Variants in UBE2K observed in about 807,000 individuals in gnomAD.
UBE2K encodes the protein ubiquitin-conjugating enzyme E2 K.
Under a neutral mutation model 30.0 loss-of-function variants are expected in UBE2K, and 6 were observed. The ratio of observed to expected loss-of-function variants is 0.20; its 90% CI spans 0.11 to 0.39. The LOEUF (loss-of-function observed/expected upper bound fraction) is 0.39. UBE2K is among the 10% of genes least tolerant of loss of function. The pLI, the probability that UBE2K is intolerant of heterozygous loss-of-function variation, is 1.00. For synonymous variants in UBE2K, 86 were observed against 83.7 expected (o/e 1.03, Z -0.15); for missense variants, 61 against 241.6 (o/e 0.25, Z 4.96).
At chr4:39,724,166 G>A (rs1383961286) in intron 1 of UBE2K, among the ~76,000 whole-genome samples, 1 of 150,314 alleles carries the variant, frequency 6.7e-6, no homozygotes, top group Non-Finnish European at 1.5e-5. Context: ...GGAGTACGGT[G>A]GCACAATCAT....
intron 4 of UBE2K, among the ~76,000 whole-genome samples, chr4:39,760,809 A>G (rs1373138582): frequency 6.6e-6 from 1 of 151,974 alleles, no homozygotes; most frequent in Admixed American, 6.5e-5. Context: ...ATTAAAACAA[A>G]TAAAAAAATA....
chr4:39,766,348 A>G (rs1712339229), intron 4 of UBE2K, among the ~76,000 whole-genome samples: 1 of 152,074 alleles, frequency 6.6e-6, no homozygotes, highest in Admixed American at 6.6e-5. Flanking sequence ...GTGATAGGTC[A>G]TTGTGGTTCC....
At chr4:39,714,915 AATG>A (rs1718961801) in intron 1 of UBE2K, among the ~76,000 whole-genome samples, 2 of 151,526 alleles carry the variant, frequency 1.3e-5, no homozygotes, top group African/African-American at 2.4e-5. Context: ...GCAATGGTGC[AATG>A]ATGACTCTCT....
intron 1 of UBE2K, chr4:39,713,978 C>T (rs1281734963): frequency 2.6e-5 from 4 of 152,142 alleles, no homozygotes; most frequent in Non-Finnish European, 4.4e-5. Flanking sequence ...CAACCTCAAC[C>T]TCCTGGGCTC....
At chr4:39,766,759 C>CT (rs199857490) in intron 4 of UBE2K, among the ~76,000 whole-genome samples, 4 of 151,810 alleles carry the variant, frequency 2.6e-5, no homozygotes, top group Admixed American at 2.0e-4. Flanking sequence ...TTCTTTCTTT[C>CT]TTTTTTTCGA....
chr4:39,744,985 CTCTT>C (rs1043240626), intron 2 of UBE2K, among the ~76,000 whole-genome samples: 9 of 141,048 alleles, frequency 6.4e-5, no homozygotes, highest in African/African-American at 2.8e-4. Context: ...ATGTCTATCT[CTCTT>C]GTTGAATTTT....
chr4:39,740,086 A>G (rs17510894), intron 2 of UBE2K, among the ~76,000 whole-genome samples: 15,859 of 152,110 alleles, frequency 0.1, 1,095 homozygotes, highest in East Asian at 0.22. Context: ...GTTATCTTTA[A>G]AAAATCAGAT....
intron 3 of UBE2K, among the ~76,000 whole-genome samples, chr4:39,749,308 T>C (rs1199919932): frequency 1.3e-5 from 2 of 152,198 alleles, no homozygotes; most frequent in African/African-American, 4.8e-5. Context: ...TAAATTGCAA[T>C]GTATATTGTG....
At chr4:39,776,231 C>G (rs182318635) in intron 5 of UBE2K, among the ~76,000 whole-genome samples, 1 of 152,226 alleles carries the variant, frequency 6.6e-6, no homozygotes, top group Admixed American at 6.5e-5. Flanking sequence ...CTCTGTGTCT[C>G]CTTTGCTCCT....
intron 5 of UBE2K, among the ~76,000 whole-genome samples, chr4:39,776,564 C>T (rs1021666862): frequency 6.6e-6 from 1 of 152,124 alleles, no homozygotes; most frequent in Non-Finnish European, 1.5e-5. Flanking sequence ...CTTTTTCAAG[C>T]ATTGCATTCA....
At chr4:39,750,383 A>T (rs1461092053) in intron 3 of UBE2K, among the ~76,000 whole-genome samples, 1 of 152,158 alleles carries the variant, frequency 6.6e-6, no homozygotes, top group Non-Finnish European at 1.5e-5. Context: ...TGCTATGCCA[A>T]TATTGATAAT....
At chr4:39,776,793 A>G (rs183368490) in intron 5 of UBE2K, among the ~76,000 whole-genome samples, 2 of 151,936 alleles carry the variant, frequency 1.3e-5, no homozygotes, top group Non-Finnish European at 2.9e-5. Flanking sequence ...TATATGTGCT[A>G]TTTGTTCATA....
chr4:39,714,550 A>ATATATATATATTTTTTTT, intron 1 of UBE2K: 2 of 17,854 alleles, frequency 1.1e-4, no homozygotes, highest in African/African-American at 2.5e-4. Flanking sequence ...ATATATATAT[A>ATATATATATATTTTTTTT]TTTTTTTTTT....
intron 1 of UBE2K, among the ~76,000 whole-genome samples, chr4:39,725,377 CAAAAAAAAAAA>C (rs56021137): frequency 4.3e-5 from 3 of 69,294 alleles, no homozygotes; most frequent in Admixed American, 4.0e-4. Flanking sequence ...GACCCTGTCT[CAAAAAAAAAAA>C]AAAAAAAAAA....
chr4:39,760,608 A>T (rs1362196858), intron 4 of UBE2K, among the ~76,000 whole-genome samples: 1 of 152,184 alleles, frequency 6.6e-6, no homozygotes, highest in Non-Finnish European at 1.5e-5. Flanking sequence ...GGTGATAAAA[A>T]ATACGATAGC....
chr4:39,771,087 C>T (rs200549452), intron 4 of UBE2K: 1 of 1,612,720 alleles, frequency 6.2e-7, no homozygotes, highest in Non-Finnish European at 8.5e-7. Flanking sequence ...TCTGGCATTT[C>T]TCCACCACGT....
chr4:39,771,430 A>T lies in UBE2K; in HGVS notation c.300-3404A>T. 4.4e-6 allele frequency: 7 copies of T among 1,595,800 alleles called. No homozygotes were observed. The South Asian group carries it at 5.6e-5, about 13-fold the overall frequency. On this transcript the variant is annotated intron_variant, in intron 4 of 6. Transcript: ENST00000261427. ...CTGGAAGCGCAGGACTTCACCCCAG[A>T]GGCCATTGTGGCGGGGGTGGGCAAC...
At position 39,782,334 on chromosome 4, in the gene UBE2K, G is replaced by T; in HGVS notation, c.*3900G>T. ...ATAATAAAAGCTAGACTATTTCTTTGGGGGGAAAGAGACTTATTTAATGTA... is the reference window on the plus strand; with the variant it reads ...ATAATAAAAGCTAGACTATTTCTTTTGGGGGAAAGAGACTTATTTAATGTA... On this transcript the variant is annotated 3_prime_UTR_variant, in exon 7 of 7. Transcript: ENST00000261427. The T allele has an allele frequency of 4.9e-6, 1 of 203,566 alleles. No homozygotes were observed. Among genetic ancestry groups the T allele is most frequent in the Admixed American group, 5.9e-5 (1 of 16,886 alleles). 12.6% of individuals were successfully genotyped at this position (203,566 alleles called of 1,614,324 possible).
At position 39,780,748 on chromosome 4, in the gene UBE2K, G is replaced by A. The variant is rs1228973594; in HGVS notation, c.*2314G>A. On this transcript the variant is annotated 3_prime_UTR_variant, in exon 7 of 7. Transcript: ENST00000261427. ...TTTGGTTTTTGTTATTCTCTTGTCT[G>A]TGGGTAGATTTAGTTACCCAAACAT... 1.3e-5 allele frequency: 2 copies of A among 151,692 alleles called. No homozygotes were observed. Among genetic ancestry groups the A allele is most frequent in the African/African-American group, 4.8e-5 (2 of 41,262 alleles). The allele number at this position is 151,692 out of a possible 1,614,324, so 9.4% of individuals were successfully genotyped here. A position where few individuals can be genotyped will look rare whatever the true frequency, so the allele number is the denominator to read the frequency against.
Sources: gnomAD v4.1 joint callset for allele counts (sites outside exome capture counted in the v4.1 genomes callset) on GRCh38, gnomAD v4.1.1 for gene constraint, MANE v1.5 for transcripts, NCBI Gene and HGNC (gene_info 2026-07-23, HGNC 2026-07-21) for gene names.